Variants in KMO observed in about 807,000 individuals in gnomAD.
KMO encodes the protein kynurenine 3-monooxygenase.
Under a neutral mutation model 57.8 loss-of-function variants are expected in KMO, and 24 were observed. The ratio of observed to expected loss-of-function variants is 0.42; its 90% CI spans 0.30 to 0.58. The LOEUF is 0.58. KMO is among the 20% of genes least tolerant of loss of function. The pLI is 0.22. For synonymous variants in KMO, 210 were observed against 193.6 expected (o/e 1.08, Z -0.70); for missense variants, 483 against 588.2 (o/e 0.82, Z 1.85).
intron 10 of KMO, among the ~76,000 whole-genome samples, chr1:241,574,013 T>C (rs1415587320): frequency 6.6e-6 from 1 of 152,086 alleles, no homozygotes; most frequent in Non-Finnish European, 1.5e-5. Flanking sequence ...CTAGGTATTT[T>C]ATTTTATTTT....
intron 1 of KMO, among the ~76,000 whole-genome samples, chr1:241,548,463 C>T (rs1200316867): frequency 6.6e-6 from 1 of 151,796 alleles, no homozygotes; most frequent in Non-Finnish European, 1.5e-5. Context: ...CGCTATTCTA[C>T]TTTTTGACCA....
chr1:241,587,172 G>A (rs1039199996), intron 11 of KMO, among the ~76,000 whole-genome samples: 6 of 152,304 alleles, frequency 3.9e-5, no homozygotes, highest in Middle Eastern at 3.4e-3. Flanking sequence ...AACTGTTCCT[G>A]CTCTGATCTT....
Position 241,591,853 on chromosome 1 carries a change from C to A in KMO, c.1261-100C>A, listed in dbSNP as rs1663314084. On this transcript the variant is annotated intron_variant, in intron 14 of 14. Transcript: ENST00000366559. Reference sequence around the variant, plus strand: ...TAAATTGTTGTTTCAGGTTAAAGAACAAAGAGGACATTGTTTACCCCTTTG... The same window carrying A: ...TAAATTGTTGTTTCAGGTTAAAGAAAAAAGAGGACATTGTTTACCCCTTTG... 4 of 886,226 alleles carry A rather than the reference C, an allele frequency of 4.5e-6. No individual in the cohort carries two copies. In the East Asian group the frequency reaches 7.2e-5, roughly 16 times the overall value. The allele number at this position is 886,226 out of a possible 1,614,324, so 54.9% of individuals were successfully genotyped here.
At chr1:241,557,269 C>T (rs1487697680) in intron 5 of KMO, among the ~76,000 whole-genome samples, 2 of 152,182 alleles carry the variant, frequency 1.3e-5, no homozygotes, top group African/African-American at 2.4e-5. Context: ...TAAGTCTAAG[C>T]CTACACTGTA....
intron 4 of KMO, among the ~76,000 whole-genome samples, chr1:241,552,075 A>ATACG (rs147216673): frequency 0.011 from 1,633 of 152,240 alleles, 34 homozygotes; most frequent in African/African-American, 0.037. Flanking sequence ...CATAGATAAG[A>ATACG]TACGGTTCAA....
intron 5 of KMO, among the ~76,000 whole-genome samples, chr1:241,559,847 C>T (rs761984546): frequency 1.3e-5 from 2 of 152,004 alleles, no homozygotes; most frequent in Non-Finnish European, 2.9e-5. Flanking sequence ...AGGCATTTTA[C>T]CTTTACTTCC....
intron 8 of KMO, among the ~76,000 whole-genome samples, chr1:241,565,604 T>A (rs575024640): frequency 2.3e-4 from 34 of 147,168 alleles, no homozygotes; most frequent in Admixed American, 1.5e-3. Context: ...GACACGTGCA[T>A]CCCCAACTAC....
chr1:241,549,364 G>A (rs1397743519), intron 2 of KMO, among the ~76,000 whole-genome samples: 1 of 151,472 alleles, frequency 6.6e-6, no homozygotes, highest in African/African-American at 2.4e-5. Context: ...TAGAAGGAAA[G>A]AAAGATAGAA....
At chr1:241,585,495 C>T (rs1229212203) in intron 10 of KMO, among the ~76,000 whole-genome samples, 3 of 152,026 alleles carry the variant, frequency 2.0e-5, no homozygotes, top group South Asian at 2.1e-4. Flanking sequence ...CAGTGGCTCA[C>T]GCTTGTAATC....
intron 10 of KMO, among the ~76,000 whole-genome samples, chr1:241,585,506 C>G (rs542803674): frequency 6.6e-6 from 1 of 151,848 alleles, no homozygotes; most frequent in Admixed American, 6.6e-5. Context: ...GCTTGTAATC[C>G]CAGCACTTTG....
intron 11 of KMO, among the ~76,000 whole-genome samples, chr1:241,588,041 G>A (rs1385644823): frequency 6.6e-6 from 1 of 152,152 alleles, no homozygotes; most frequent in African/African-American, 2.4e-5. Flanking sequence ...CTTACACCCA[G>A]TTTCAAGTCC....
rs1230723082 is a variant in KMO, at chr1:241,590,262, A to G, written c.1259A>G (p.Lys420Arg). 1 of 1,609,248 alleles carries G rather than the reference A, an allele frequency of 6.2e-7. No individual in the cohort carries two copies. Among genetic ancestry groups the G allele is most frequent in the East Asian group, 2.2e-5 (1 of 44,820 alleles). Residue 420 changes from lysine (K) to arginine (R), a missense_variant and splice_region_variant, in exon 14 of 15, where the codon AAG (lysine) becomes AGG (arginine). Around this residue, in one of 3 missense-constraint regions of KMO, gnomAD observed 410 missense variants for 492.3 expected, o/e 0.83. Transcript: ENST00000366559. ...EAVQRWHWQK[K>R]VINKGLFFLG... ...GTGCAGCGTTGGCATTGGCAAAAAA[A>G]GGTTGGAACAGTTACATTTTATTTA...
intron 4 of KMO, among the ~76,000 whole-genome samples, chr1:241,551,439 C>T (rs915476733): frequency 2.0e-5 from 3 of 152,066 alleles, no homozygotes; most frequent in African/African-American, 7.2e-5. Context: ...CCTAACTCAC[C>T]CTCTTGCTCA....
chr1:241,577,944 C>T (rs1662592656), intron 10 of KMO, among the ~76,000 whole-genome samples: 1 of 152,146 alleles, frequency 6.6e-6, no homozygotes, highest in Non-Finnish European at 1.5e-5. Context: ...GAAAGTGATC[C>T]ACCTCCCAGA....
chr1:241,589,353 T>C (rs1663153963), intron 12 of KMO, among the ~76,000 whole-genome samples: 1 of 152,170 alleles, frequency 6.6e-6, no homozygotes, highest in African/African-American at 2.4e-5. Context: ...CAGTCACATG[T>C]AAAGCTCATG....
rs183592788 is a variant in KMO, at chr1:241,550,745, C to T, written c.223-210C>T. On this transcript the variant is annotated intron_variant, in intron 3 of 14. Transcript: ENST00000366559. The stretch of plus-strand genomic sequence containing the variant: ...AGATCAGATAAATTTTAAGCCGGTT[C>T]TAAGATCTAAGATTAAAAAAACAAA... Among the ~76,000 whole-genome samples the T allele has an allele frequency of 3.0e-4, 46 of 152,142 alleles. 1 individual carries two copies. In the East Asian group the frequency reaches 6.6e-3, roughly 22 times the overall value.
In KMO at chr1:241,592,310, T is replaced by G; in HGVS notation, c.*157T>G. ...AGTATCTCTGTATGTTAATTGCAAT[T>G]ACTGGTTGGGGGGTGCATTTTAAAA... is the stretch of plus-strand genomic sequence containing the variant. On this transcript the variant is annotated 3_prime_UTR_variant, in exon 15 of 15. Coordinates refer to ENST00000366559, the MANE Select transcript of KMO (RefSeq NM_003679.5). The G allele has an allele frequency of 8.0e-6, 5 of 622,952 alleles. No individual in the cohort carries two copies. Among genetic ancestry groups the G allele is most frequent in the East Asian group, 2.8e-5 (1 of 36,058 alleles). 38.6% of individuals were successfully genotyped at this position (622,952 alleles called of 1,614,324 possible). A position where few individuals can be genotyped will look rare whatever the true frequency, so the allele number is the denominator to read the frequency against.
rs200246292 is a variant in KMO, at chr1:241,586,659, C to CT, written c.958-11dup. On this transcript the variant is annotated intron_variant, in intron 10 of 14. Transcript: ENST00000366559. ...TTATTATTTCTAGTTTCTTATTTCT[C>CT]TTTTTTTTTCTTGTTTCAGGGCTTT... 2,284 of 1,473,402 alleles carry CT rather than the reference C, an allele frequency of 1.6e-3. 1 individual carries two copies. The highest frequency in any genetic ancestry group is 1.8e-3 in the Non-Finnish European group (1,943 of 1,074,748). 91.3% of individuals were successfully genotyped at this position (1,473,402 alleles called of 1,614,324 possible).
At chr1:241,589,867 T>G in intron 12 of KMO, 145 bp from the exon 13 acceptor site, 2 of 665,934 alleles carry the variant, frequency 3.0e-6, no homozygotes, top group Non-Finnish European at 5.2e-6. Context: ...CAAAATGGAT[T>G]GGGAATGACA....
Sources: gnomAD v4.1 joint callset for allele counts (sites outside exome capture counted in the v4.1 genomes callset) on GRCh38, gnomAD v4.1.1 for gene constraint, gnomAD v4.1.1 regional missense constraint, MANE v1.5 for transcripts, NCBI Gene and HGNC (gene_info 2026-07-23, HGNC 2026-07-21) for gene names.